FSTL5: variants seen among roughly 807,000 people sequenced by gnomAD.
The protein encoded by FSTL5 is follistatin-related protein 5.
A neutral mutation model predicts 89.1 loss-of-function variants in FSTL5; 62 were observed. That is an observed-to-expected ratio of 0.70 (90% CI 0.57 to 0.86). The LOEUF is 0.86. FSTL5 is among the 40% of genes least tolerant of loss of function. The probability of loss-of-function intolerance (pLI) is 0.00; values close to 1 mark genes in which losing one functional copy is unlikely to be tolerated. For missense variants in FSTL5, 1,057 were observed against 1,001.6 expected, an observed-to-expected ratio of 1.06 and a Z score of -0.75; for synonymous variants, 383 against 346.2, an observed-to-expected ratio of 1.11 and a Z score of -1.18.
chr4:162,089,217 A>G (rs1252434891), intron 2 of FSTL5, among the ~76,000 whole-genome samples: 1 of 152,124 alleles, frequency 6.6e-6, no homozygotes, highest in East Asian at 1.9e-4. Flanking sequence ...TAGAAATGTG[A>G]GAAATTTGTT....
chr4:161,717,016 A>C (rs1739010773), intron 6 of FSTL5, among the ~76,000 whole-genome samples: 1 of 152,230 alleles, frequency 6.6e-6, no homozygotes, highest in South Asian at 2.1e-4. Context: ...GGTTAGATAT[A>C]CAAATATTGT....
intron 14 of FSTL5, among the ~76,000 whole-genome samples, chr4:161,456,697 T>A (rs1201936579): frequency 1.3e-5 from 2 of 152,330 alleles, no homozygotes; most frequent in Non-Finnish European, 2.9e-5. Flanking sequence ...TGGGAGACAA[T>A]TATCCATGAA....
At chr4:161,777,344 G>C (rs6837801) in intron 4 of FSTL5, among the ~76,000 whole-genome samples, 110,860 of 151,126 alleles carry the variant, frequency 0.73, 40,709 homozygotes, top group Non-Finnish European at 0.76. Context: ...GACTAGTGCT[G>C]TGATAAACAT....
chr4:162,021,199 ACTAGGCAACT>A (rs1421790292), intron 3 of FSTL5, among the ~76,000 whole-genome samples: 2 of 152,152 alleles, frequency 1.3e-5, no homozygotes, highest in Non-Finnish European at 2.9e-5. Context: ...ACTGGCTACT[ACTAGGCAACT>A]GCAAATAAGC....
chr4:161,676,210 T>C (rs547237826), intron 6 of FSTL5, among the ~76,000 whole-genome samples: 1 of 152,242 alleles, frequency 6.6e-6, no homozygotes, highest in Admixed American at 6.6e-5. Context: ...ATCCAAGTAA[T>C]TCCAATCTTA....
intron 6 of FSTL5, among the ~76,000 whole-genome samples, chr4:161,756,086 T>G (rs1740558126): frequency 6.6e-6 from 1 of 152,032 alleles, no homozygotes; most frequent in African/African-American, 2.4e-5. Context: ...TAAATAAGGG[T>G]GAAGCACTGA....
chr4:161,386,518 T>A, intron 15 of FSTL5, 69 bp from the exon 16 acceptor site: 1 of 1,096,532 alleles, frequency 9.1e-7, no homozygotes, highest in South Asian at 1.6e-5. Context: ...AAAAACTAGA[T>A]ACAGGTGGAA....
At chr4:161,408,848 C>T (rs959864788) in intron 15 of FSTL5, among the ~76,000 whole-genome samples, 1 of 152,118 alleles carries the variant, frequency 6.6e-6, no homozygotes, top group African/African-American at 2.4e-5. Context: ...TTTGTCAAAT[C>T]AACTTGGTCA....
intron 4 of FSTL5, among the ~76,000 whole-genome samples, chr4:161,804,895 C>A (rs1028457412): frequency 1.3e-5 from 2 of 152,010 alleles, no homozygotes; most frequent in African/African-American, 4.8e-5. Flanking sequence ...CCTGGAAATG[C>A]TGTTACTGAT....
intron 15 of FSTL5, among the ~76,000 whole-genome samples, chr4:161,389,559 T>C (rs1358288665): frequency 6.6e-6 from 1 of 152,186 alleles, no homozygotes; most frequent in Non-Finnish European, 1.5e-5. Flanking sequence ...AGACTTGTTT[T>C]GGATGAAGTA....
intron 2 of FSTL5, among the ~76,000 whole-genome samples, chr4:162,084,836 T>C (rs541198362): frequency 6.6e-6 from 1 of 152,164 alleles, no homozygotes; most frequent in Non-Finnish European, 1.5e-5. Flanking sequence ...GATGGGTTGA[T>C]GGGTGCAGCA....
intron 4 of FSTL5, among the ~76,000 whole-genome samples, chr4:161,871,698 T>C (rs1196842790): frequency 6.6e-6 from 1 of 152,168 alleles, no homozygotes; most frequent in Admixed American, 6.5e-5. Context: ...TGCAGACAGA[T>C]TATTTCTTTT....
rs139010651 is a variant in FSTL5 at position 161,647,507 on chromosome 4, C to T, written c.894+8821G>A. On this transcript the variant is annotated intron_variant, in intron 7 of 15. Coordinates refer to ENST00000306100, the MANE Select transcript of FSTL5 (RefSeq NM_020116.5). ...TTCCATATAAATTTCAGGATTGTTG[C>T]TTTTATTTCGTTTAAAAAAAAAAAA... is the stretch of plus-strand genomic sequence containing the variant. Among the ~76,000 whole-genome samples, 363 of 144,264 alleles carry T rather than the reference C, an allele frequency of 2.5e-3. 2 individuals carry two copies. Among genetic ancestry groups the T allele is most frequent in the East Asian group, 7.4e-3 (36 of 4,864 alleles). The allele number at this position is 144,264 out of a possible 152,430, so 94.6% of individuals were successfully genotyped here. A position where few individuals can be genotyped will look rare whatever the true frequency, so the allele number is the denominator to read the frequency against.
At chr4:161,482,303 G>A (rs1035870458) in intron 12 of FSTL5, among the ~76,000 whole-genome samples, 2 of 151,052 alleles carry the variant, frequency 1.3e-5, no homozygotes, top group Non-Finnish European at 2.9e-5. Flanking sequence ...GTGACAGAGC[G>A]AGACTCCGTC....
At chr4:161,962,608 A>G (rs1008726528) in intron 3 of FSTL5, among the ~76,000 whole-genome samples, 7 of 151,594 alleles carry the variant, frequency 4.6e-5, no homozygotes, top group African/African-American at 1.7e-4. Context: ...AATTATAGGC[A>G]TTGTATGATA....
At chr4:161,810,984 A>G (rs1730119782) in intron 4 of FSTL5, among the ~76,000 whole-genome samples, 1 of 152,188 alleles carries the variant, frequency 6.6e-6, no homozygotes, top group Non-Finnish European at 1.5e-5. Context: ...TAAATGTTTC[A>G]CATGAATTTC....
chr4:162,073,517 T>C (rs565084096), intron 2 of FSTL5, among the ~76,000 whole-genome samples: 1 of 151,868 alleles, frequency 6.6e-6, no homozygotes, highest in Admixed American at 6.6e-5. Context: ...AGGAAAACTT[T>C]ACATCAAGAA....
At chr4:161,831,143 G>A (rs1579124052) in intron 4 of FSTL5, among the ~76,000 whole-genome samples, 1 of 151,742 alleles carries the variant, frequency 6.6e-6, no homozygotes. Context: ...TATGTGAAAC[G>A]ATGGCTATGT....
intron 8 of FSTL5, among the ~76,000 whole-genome samples, chr4:161,574,290 C>A (rs1733133309): frequency 6.6e-6 from 1 of 151,570 alleles, no homozygotes; most frequent in African/African-American, 2.4e-5. Context: ...ACCCAGGCAA[C>A]TTCTATCTTT....
Sources: allele counts gnomAD v4.1 joint callset (sites outside exome capture counted in the v4.1 genomes callset), GRCh38; gene constraint gnomAD v4.1.1; transcripts MANE v1.5; gene names NCBI Gene and HGNC (gene_info 2026-07-23, HGNC 2026-07-21).